Variants in STPG2 observed in about 807,000 individuals in gnomAD.
STPG2 encodes the protein sperm tail PG-rich repeat containing 2.
In STPG2, 56 loss-of-function variants were observed where a neutral mutation model predicts 54.2. The observed-to-expected ratio is 1.03, with a 90% confidence interval of 0.83 to 1.29. The LOEUF is 1.29. Among genes scored for constraint, STPG2 ranks in the 50% most tolerant of loss-of-function variants. The probability of loss-of-function intolerance (pLI) is 0.00; values close to 1 mark genes in which losing one functional copy is unlikely to be tolerated. For missense variants in STPG2, 596 were observed against 544.9 expected (o/e 1.09, Z -0.93); for synonymous variants, 200 against 181.8 (o/e 1.10, Z -0.81).
At chr4:97,669,148 A>G (rs1420458764) in intron 10 of STPG2, among the ~76,000 whole-genome samples, 1 of 152,198 alleles carries the variant, frequency 6.6e-6, no homozygotes, top group Admixed American at 6.5e-5. Flanking sequence ...GATCTTTTCA[A>G]ACATTCTGAT....
At chr4:97,692,204 A>G (rs1441973875) in intron 10 of STPG2, among the ~76,000 whole-genome samples, 3 of 152,064 alleles carry the variant, frequency 2.0e-5, no homozygotes, top group Non-Finnish European at 2.9e-5. Context: ...TTGCCAGAAA[A>G]AGAATTCAGA....
At chr4:97,447,867 G>A (rs1370574172) in intron 4 of STPG2, among the ~76,000 whole-genome samples, 1 of 152,136 alleles carries the variant, frequency 6.6e-6, no homozygotes, top group Non-Finnish European at 1.5e-5. Flanking sequence ...GCTGTGAGAA[G>A]AAAGCCACCC....
chr4:97,880,536 A>G (rs2149164156), intron 8 of STPG2, among the ~76,000 whole-genome samples: 2 of 152,266 alleles, frequency 1.3e-5, no homozygotes, highest in East Asian at 1.9e-4. Flanking sequence ...CCCTTACAAT[A>G]TAACTGGAAC....
intron 10 of STPG2, among the ~76,000 whole-genome samples, chr4:97,711,669 C>CTTTT (rs1242814556): frequency 1.5e-5 from 2 of 133,702 alleles, no homozygotes; most frequent in Non-Finnish European, 3.2e-5. Flanking sequence ...TATTTACTTA[C>CTTTT]TTTTTTTTTT....
At chr4:97,525,368 G>C (rs541252079) in intron 4 of STPG2, among the ~76,000 whole-genome samples, 66 of 152,008 alleles carry the variant, frequency 4.3e-4, no homozygotes, top group African/African-American at 1.6e-3. Context: ...AGACAAGCCA[G>C]AGCCTACATA....
chr4:97,879,564 C>A (rs1251047823), intron 8 of STPG2, among the ~76,000 whole-genome samples: 1 of 152,126 alleles, frequency 6.6e-6, no homozygotes, highest in Non-Finnish European at 1.5e-5. Context: ...ACCATGAGAA[C>A]AGTATGGGGG....
intron 4 of STPG2, among the ~76,000 whole-genome samples, chr4:97,476,148 T>A (rs2148817830): frequency 6.6e-6 from 1 of 152,294 alleles, no homozygotes; most frequent in East Asian, 1.9e-4. Context: ...AATATTTGAA[T>A]AATATTCAGT....
chr4:97,830,518 A>T (rs1267507394), intron 9 of STPG2, among the ~76,000 whole-genome samples: 1 of 152,210 alleles, frequency 6.6e-6, no homozygotes, highest in East Asian at 1.9e-4. Flanking sequence ...AAGTTCACAC[A>T]TAACAATATT....
chr4:98,000,017 T>C (rs573526673), intron 5 of STPG2, among the ~76,000 whole-genome samples: 2 of 152,348 alleles, frequency 1.3e-5, no homozygotes, highest in African/African-American at 4.8e-5. Context: ...TATATCCATT[T>C]TAATACTATA....
At chr4:97,945,205 C>T (rs1733161050) in intron 7 of STPG2, among the ~76,000 whole-genome samples, 1 of 151,906 alleles carries the variant, frequency 6.6e-6, no homozygotes. Flanking sequence ...TCCCCCTATT[C>T]TCCTCCCACC....
At chr4:98,076,046 C>A (rs569765306) in intron 5 of STPG2, among the ~76,000 whole-genome samples, 1 of 152,212 alleles carries the variant, frequency 6.6e-6, no homozygotes, top group African/African-American at 2.4e-5. Flanking sequence ...AGATTGAGAC[C>A]ATCCTGGCTA....
chr4:97,623,564 A>C (rs1734066532), intron 10 of STPG2, among the ~76,000 whole-genome samples: 1 of 152,228 alleles, frequency 6.6e-6, no homozygotes, highest in African/African-American at 2.4e-5. Flanking sequence ...CACCAGTCAG[A>C]GTGGCTATTA....
chr4:97,508,360 T>TGACA (rs544210733), intron 4 of STPG2, among the ~76,000 whole-genome samples: 439 of 152,240 alleles, frequency 2.9e-3, no homozygotes, highest in Non-Finnish European at 4.5e-3. Context: ...AATGGACACA[T>TGACA]GACACATCTA....
chr4:97,574,398 T>C lies in STPG2; in HGVS notation c.1321-15281A>G, dbSNP rs147541466. On this transcript the variant is annotated intron_variant, in intron 10 of 10. Transcript: ENST00000295268. ...ACACAGGAACCTTCAGAAATGAAGA[T>C]AGAAAAGACCCAGAGAAAACAATTT... is the stretch of plus-strand genomic sequence containing the variant. Among the ~76,000 whole-genome samples the C allele has an allele frequency of 4.1e-3, 626 of 151,636 alleles. 3 individuals carry two copies. Among genetic ancestry groups the C allele is most frequent in the South Asian group, 0.02 (97 of 4,804 alleles).
intron 10 of STPG2, among the ~76,000 whole-genome samples, chr4:97,598,373 A>G (rs1322557574): frequency 7.0e-6 from 1 of 141,938 alleles, no homozygotes; most frequent in Non-Finnish European, 1.5e-5. Flanking sequence ...ACGGAATTAG[A>G]AAAAAAAACA....
chr4:97,553,913 T>C (rs113384749), downstream of STPG2, among the ~76,000 whole-genome samples: 1,908 of 152,270 alleles, frequency 0.013, 36 homozygotes, highest in African/African-American at 0.044. Context: ...ATCTCAATTT[T>C]AAGACTTGAT....
intron 4 of STPG2, among the ~76,000 whole-genome samples, chr4:97,445,242 C>T (rs74717205): frequency 0.025 from 3,748 of 152,146 alleles, 80 homozygotes; most frequent in Non-Finnish European, 0.037. Flanking sequence ...TTTCTCTCTG[C>T]CATAACAAGA....
intron 10 of STPG2, among the ~76,000 whole-genome samples, chr4:97,578,295 G>A (rs1012444800): frequency 6.6e-6 from 1 of 151,844 alleles, no homozygotes; most frequent in Non-Finnish European, 1.5e-5. Flanking sequence ...TGGTAAATAT[G>A]GGGTTTCTAG....
intron 8 of STPG2, among the ~76,000 whole-genome samples, chr4:97,918,588 C>CAT (rs1235625910): frequency 1.3e-5 from 2 of 151,472 alleles, no homozygotes; most frequent in African/African-American, 4.9e-5. Flanking sequence ...TATGTATACA[C>CAT]ATATATATAC....
Sources: allele counts gnomAD v4.1 joint callset (sites outside exome capture counted in the v4.1 genomes callset), GRCh38; gene constraint gnomAD v4.1.1; transcripts MANE v1.5; gene names NCBI Gene and HGNC (gene_info 2026-07-23, HGNC 2026-07-21).